Variants in RASEF observed in about 807,000 individuals in gnomAD.
RASEF encodes ras and EF-hand domain-containing protein.
A neutral mutation model predicts 90.1 loss-of-function variants in RASEF; 68 were observed. That is an observed-to-expected ratio of 0.75 (90% confidence interval 0.62 to 0.92). The LOEUF (loss-of-function observed/expected upper bound fraction) is 0.92. Ranked by LOEUF, RASEF falls within the 40% of genes least tolerant of loss-of-function variation. RASEF has a pLI of 0.00. For synonymous variants in RASEF, 331 were observed against 345.2 expected (o/e 0.96, Z 0.46); for missense variants, 949 against 937.2 (o/e 1.01, Z -0.16).
chr9:83,085,026 C>T, the RASEF span, among the ~76,000 whole-genome samples: 1 of 152,120 alleles, frequency 6.6e-6, no homozygotes, highest in Admixed American at 6.5e-5. Flanking sequence ...AAAACTTAAC[C>T]ACAAAGCGGT....
In RASEF at chr9:82,998,461, G is replaced by A. The variant is rs370765439; in HGVS notation, c.1724-15C>T. The A allele has an allele frequency of 8.0e-5, 119 of 1,488,404 alleles. 1 individual carries two copies. The African/African-American group carries it at 1.2e-3, about 15-fold the overall frequency. The allele number at this position is 1,488,404 out of a possible 1,614,324, so 92.2% of individuals were successfully genotyped here. On this transcript the variant is annotated splice_polypyrimidine_tract_variant and intron_variant, in intron 12 of 16. Transcript: ENST00000376447. ...GAAATCAACTCCTGAAAAGGAATGT[G>A]AGAGTGGAGAGCACGATGTAAATAA...
the RASEF span, among the ~76,000 whole-genome samples, chr9:83,123,561 A>C: frequency 6.6e-6 from 1 of 152,182 alleles, no homozygotes; most frequent in African/African-American, 2.4e-5. Flanking sequence ...CTGCTTCCTC[A>C]GCCCATCCTC....
At chr9:83,034,541 T>A (rs1829704781) in intron 1 of RASEF, among the ~76,000 whole-genome samples, 1 of 152,186 alleles carries the variant, frequency 6.6e-6, no homozygotes, top group African/African-American at 2.4e-5. Context: ...GTTAACTAGA[T>A]CCATTCAATG....
At chr9:83,009,587 G>C (rs1189540843) in intron 6 of RASEF, 54 bp downstream of exon 6, 4 of 1,012,564 alleles carry the variant, frequency 4.0e-6, no homozygotes, top group East Asian at 2.4e-5. Context: ...CTTTTGCCTG[G>C]ATGATCATCT....
Position 83,062,635 on chromosome 9 carries a change from C to A in RASEF, c.233G>T (p.Gly78Val), listed in dbSNP as rs1381785806. 1.3e-6 allele frequency: 2 copies of A among 1,555,202 alleles called. No individual in the cohort carries two copies. Among genetic ancestry groups the A allele is most frequent in the South Asian group, 1.2e-5 (1 of 85,776 alleles). The change falls in exon 1 of 17, where the codon GGG becomes GTG. Residue 78 changes from glycine (G) to valine (V), a missense_variant. Physicochemically the swap from Gly to Val is moderately radical, Grantham distance 109. Transcript: ENST00000376447. ...CAGAGGACCCCAGTCCCGGCGCCGC[C>A]CCCCGCGGAGGGACCCGAGGAAGCC... ...ARGFLGSLRGGRRRDWGPLDP... is the reference protein window; with the variant it reads ...ARGFLGSLRGVRRRDWGPLDP...
the RASEF span, among the ~76,000 whole-genome samples, chr9:83,111,507 CA>C: frequency 6.6e-6 from 1 of 151,886 alleles, no homozygotes; most frequent in Non-Finnish European, 1.5e-5. Flanking sequence ...ATTCTCATCA[CA>C]AAAAAACAAG....
At chr9:83,121,646 T>G in the RASEF span, among the ~76,000 whole-genome samples, 36 of 152,288 alleles carry the variant, frequency 2.4e-4, no homozygotes, top group African/African-American at 8.2e-4. Flanking sequence ...GGCCCTTTAC[T>G]GATAAAACAC....
the RASEF span, among the ~76,000 whole-genome samples, chr9:83,086,354 A>C: frequency 6.6e-6 from 1 of 152,304 alleles, no homozygotes; most frequent in South Asian, 2.1e-4. Flanking sequence ...GCTGGATTTG[A>C]TAAATGGGCT....
At chr9:83,128,306 C>G in the RASEF span, among the ~76,000 whole-genome samples, 1 of 152,064 alleles carries the variant, frequency 6.6e-6, no homozygotes. Flanking sequence ...GAAGACAGTC[C>G]TGGGTAAATC....
intron 1 of RASEF, among the ~76,000 whole-genome samples, chr9:83,039,301 C>T (rs1035974313): frequency 6.6e-6 from 1 of 152,108 alleles, no homozygotes; most frequent in Admixed American, 6.6e-5. Flanking sequence ...GGCTGTTTTA[C>T]CTTCCCAGTT....
At chr9:83,069,569 T>G in the RASEF span, among the ~76,000 whole-genome samples, 1 of 152,206 alleles carries the variant, frequency 6.6e-6, no homozygotes, top group Admixed American at 6.5e-5. Context: ...CTTTGTTGAT[T>G]GATATTTGGG....
At chr9:83,068,492 C>T in the RASEF span, among the ~76,000 whole-genome samples, 1 of 152,214 alleles carries the variant, frequency 6.6e-6, no homozygotes, top group Non-Finnish European at 1.5e-5. Flanking sequence ...GAGGATGTCA[C>T]CCTGCTGACA....
chr9:83,092,164 ACT>A, the RASEF span, among the ~76,000 whole-genome samples: 2 of 151,484 alleles, frequency 1.3e-5, no homozygotes, highest in Non-Finnish European at 2.9e-5. Flanking sequence ...GAAGGTCCTT[ACT>A]CTGTCATTTT....
the RASEF span, among the ~76,000 whole-genome samples, chr9:83,094,756 T>G: frequency 6.6e-6 from 1 of 152,342 alleles, no homozygotes; most frequent in Middle Eastern, 3.4e-3. Context: ...ACTCCTGCTC[T>G]TGGGTTGGCA....
At position 83,062,519 on chromosome 9, in the gene RASEF, T is replaced by A. The variant is rs1171035066; in HGVS notation, c.349A>T (p.Thr117Ser). Residue 117 changes from threonine to serine, a missense_variant, in exon 1 of 17, where the codon ACC becomes TCC. This residue lies in a region of RASEF where 656 missense variants were observed against 592.2 expected (regional missense o/e 1.11). Transcript: ENST00000376447. ...CCGGGACTCGCCGGGCCGCACGAGG[T>A]GGCCAGCGCCGCCGCCGCGTCCTCG... ...GDEDAAAALA[T>S]SCGPASPGRA... is the part of the protein sequence containing the mutation. The A allele has an allele frequency of 9.3e-6, 15 of 1,609,226 alleles. No homozygotes were observed. The highest frequency in any genetic ancestry group is 1.1e-5 in the Non-Finnish European group (13 of 1,178,348).
intron 1 of RASEF, 89 bp downstream of exon 1, chr9:83,062,348 G>C (rs918538842): frequency 6.1e-6 from 7 of 1,156,250 alleles, no homozygotes; most frequent in East Asian, 5.2e-5. Context: ...TAGGGGGGGG[G>C]GCCATTGGGT....
chr9:83,092,248 T>C, the RASEF span, among the ~76,000 whole-genome samples: 2 of 152,092 alleles, frequency 1.3e-5, no homozygotes, highest in Non-Finnish European at 2.9e-5. Flanking sequence ...TCCCTCCAAA[T>C]TCCAGATAAA....
At chr9:83,076,713 A>G in the RASEF span, among the ~76,000 whole-genome samples, 1 of 152,200 alleles carries the variant, frequency 6.6e-6, no homozygotes, top group Non-Finnish European at 1.5e-5. Flanking sequence ...GTGTTTGCTC[A>G]ATGGATTCCC....
At chr9:83,112,743 G>C in the RASEF span, among the ~76,000 whole-genome samples, 1 of 151,712 alleles carries the variant, frequency 6.6e-6, no homozygotes, top group South Asian at 2.1e-4. Context: ...AATCAGAAGT[G>C]ATCAATTGTG....
Sources: allele counts gnomAD v4.1 joint callset (sites outside exome capture counted in the v4.1 genomes callset), GRCh38; gene constraint gnomAD v4.1.1; regional missense constraint gnomAD v4.1.1; transcripts MANE v1.5; gene names NCBI Gene and HGNC (gene_info 2026-07-23, HGNC 2026-07-21).